TSPAN9: variants seen among roughly 807,000 people sequenced by gnomAD.
TSPAN9 encodes tetraspanin-9.
A neutral mutation model predicts 31.0 loss-of-function variants in TSPAN9; 16 were observed. The ratio of observed to expected loss-of-function variants is 0.52; its 90% CI spans 0.35 to 0.78. The LOEUF is 0.78. Ranked by LOEUF, TSPAN9 falls within the 30% of genes least tolerant of loss-of-function variation. The pLI, the probability that TSPAN9 is intolerant of heterozygous loss-of-function variation, is 0.01. For missense variants in TSPAN9, 272 were observed against 312.5 expected (o/e 0.87, Z 0.98); for synonymous variants, 145 against 121.6 (o/e 1.19, Z -1.27).
At chr12:3,164,011 C>T (rs570029267) in intron 2 of TSPAN9, among the ~76,000 whole-genome samples, 62 of 152,242 alleles carry the variant, frequency 4.1e-4, no homozygotes, top group African/African-American at 1.4e-3. Flanking sequence ...GAGGGTGGGG[C>T]AGGAGGGCCA....
At chr12:3,100,655 T>C (rs1361622358) in intron 2 of TSPAN9, among the ~76,000 whole-genome samples, 3 of 152,184 alleles carry the variant, frequency 2.0e-5, no homozygotes, top group Non-Finnish European at 4.4e-5. Flanking sequence ...GAGTCCTGCA[T>C]TATTTGAAGA....
intron 2 of TSPAN9, among the ~76,000 whole-genome samples, chr12:3,184,722 C>G (rs1000403997): frequency 1.5e-4 from 23 of 152,158 alleles, no homozygotes; most frequent in Non-Finnish European, 1.2e-4. Flanking sequence ...CATGGTTTTG[C>G]TGACGTTCTG....
intron 2 of TSPAN9, among the ~76,000 whole-genome samples, chr12:3,191,091 A>G (rs987441533): frequency 2.6e-5 from 4 of 151,798 alleles, no homozygotes; most frequent in African/African-American, 9.7e-5. Context: ...GGTGTGGGGG[A>G]AAGGGGGTTT....
At chr12:3,135,179 G>A (rs547289926) in intron 2 of TSPAN9, among the ~76,000 whole-genome samples, 64 of 152,264 alleles carry the variant, frequency 4.2e-4, no homozygotes, top group African/African-American at 1.5e-3. Context: ...AACCTCCTGT[G>A]CTCAAGCAAT....
At chr12:3,113,548 A>C (rs4766046) in intron 2 of TSPAN9, among the ~76,000 whole-genome samples, 56,682 of 152,108 alleles carry the variant, frequency 0.37, 11,587 homozygotes, top group Admixed American at 0.5. Flanking sequence ...TTAAGTGATC[A>C]ATAGATACTT....
intron 2 of TSPAN9, among the ~76,000 whole-genome samples, chr12:3,086,533 A>C (rs2098300602): frequency 6.6e-6 from 1 of 152,180 alleles, no homozygotes; most frequent in African/African-American, 2.4e-5. Flanking sequence ...ATCTTGTGTT[A>C]GGAACAGGAA....
At chr12:3,151,025 A>G (rs2098339478) in intron 2 of TSPAN9, 1 of 152,212 alleles carries the variant, frequency 6.6e-6, no homozygotes, top group African/African-American at 2.4e-5. Context: ...CAGGGACACA[A>G]TTGGATTGCA....
intron 2 of TSPAN9, among the ~76,000 whole-genome samples, chr12:3,163,816 T>A (rs910960205): frequency 2.0e-5 from 3 of 152,224 alleles, no homozygotes; most frequent in African/African-American, 7.2e-5. Flanking sequence ...TCAGTGGTAA[T>A]CCCTTGCTCT....
rs562416658 is a variant in TSPAN9, at chr12:3,280,609, G to T, written c.432+126G>T. ...TCTGGATTTTAGCCGGGAGTGGAGTGGTACCCACGGGGGCATTTGCCTGAA... is the reference window on the plus strand; with the variant it reads ...TCTGGATTTTAGCCGGGAGTGGAGTTGTACCCACGGGGGCATTTGCCTGAA... On this transcript the variant is annotated intron_variant, in intron 6 of 8. Coordinates refer to ENST00000011898, the MANE Select transcript of TSPAN9 (RefSeq NM_006675.5). The surrounding 1 kb of genome is among the most constrained non-coding windows in gnomAD (Gnocchi z 4.5). The T allele has an allele frequency of 2.4e-5, 20 of 828,656 alleles. No individual in the cohort carries two copies. Among genetic ancestry groups the T allele is most frequent in the Non-Finnish European group, 3.8e-5 (20 of 522,134 alleles). The allele number at this position is 828,656 out of a possible 1,614,324, so 51.3% of individuals were successfully genotyped here.
intron 3 of TSPAN9, among the ~76,000 whole-genome samples, chr12:3,235,048 T>A (rs1306230106): frequency 1.6e-4 from 24 of 148,692 alleles, no homozygotes; most frequent in African/African-American, 5.7e-4. Context: ...GCGCCTGTAG[T>A]CCCAGCTACT....
chr12:3,273,820 T>C (rs991949291), intron 3 of TSPAN9, among the ~76,000 whole-genome samples: 1 of 152,172 alleles, frequency 6.6e-6, no homozygotes, highest in Non-Finnish European at 1.5e-5. Flanking sequence ...CAAGACTTCA[T>C]GGCCAACCTG....
At chr12:3,109,913 T>C (rs1476291639) in intron 2 of TSPAN9, among the ~76,000 whole-genome samples, 1 of 152,048 alleles carries the variant, frequency 6.6e-6, no homozygotes, top group Non-Finnish European at 1.5e-5. Flanking sequence ...CAGATGTTAA[T>C]TGGCTTGTGA....
intron 2 of TSPAN9, among the ~76,000 whole-genome samples, chr12:3,178,582 C>T (rs116183198): frequency 0.041 from 6,233 of 152,298 alleles, 409 homozygotes; most frequent in African/African-American, 0.14. Context: ...TGAGCCACTG[C>T]GCCCTGCCAG....
At position 3,245,015 on chromosome 12, in the gene TSPAN9, C is replaced by G. The variant is rs1225724022; in HGVS notation, c.64-33406C>G. On this transcript the variant is annotated intron_variant, in intron 3 of 8. Transcript: ENST00000011898. The stretch of plus-strand genomic sequence containing the variant: ...GTGGGCATCCCGGTCTTTCCAAGGA[C>G]TCTGTAGCAGCCCAGCCTATCTAGG... Among the ~76,000 whole-genome samples the G allele has an allele frequency of 5.3e-5, 8 of 152,324 alleles. No individual in the cohort carries two copies. The East Asian group carries it at 1.3e-3, about 26-fold the overall frequency.
At chr12:3,101,328 A>G (rs936155651) in intron 2 of TSPAN9, among the ~76,000 whole-genome samples, 18 of 152,276 alleles carry the variant, frequency 1.2e-4, no homozygotes, top group African/African-American at 4.1e-4. Flanking sequence ...AGAAATGGGT[A>G]CCTTGAAGAT....
At chr12:3,229,977 G>C (rs1565623849) in intron 3 of TSPAN9, among the ~76,000 whole-genome samples, 1 of 152,204 alleles carries the variant, frequency 6.6e-6, no homozygotes, top group Non-Finnish European at 1.5e-5. Context: ...AGAATCCAGG[G>C]CTGGGTCCCC....
intron 2 of TSPAN9, among the ~76,000 whole-genome samples, chr12:3,129,549 G>A (rs1433773186): frequency 2.0e-5 from 3 of 152,130 alleles, no homozygotes; most frequent in Non-Finnish European, 2.9e-5. Context: ...CCACACACAA[G>A]CTCGTCATCA....
intron 2 of TSPAN9, among the ~76,000 whole-genome samples, chr12:3,137,500 C>G (rs997244747): frequency 2.0e-5 from 3 of 152,198 alleles, no homozygotes; most frequent in African/African-American, 7.2e-5. Flanking sequence ...ATACTCTGCT[C>G]TGGGCACCCC....
chr12:3,273,897 C>T (rs1862732147), intron 3 of TSPAN9, among the ~76,000 whole-genome samples: 2 of 152,234 alleles, frequency 1.3e-5, no homozygotes, highest in Non-Finnish European at 2.9e-5. Context: ...CTGTCCCCAG[C>T]TCACCAGCTG....
Sources: allele counts gnomAD v4.1 joint callset (sites outside exome capture counted in the v4.1 genomes callset), GRCh38; gene constraint gnomAD v4.1.1; non-coding constraint Gnocchi (gnomAD v3.1); transcripts MANE v1.5; gene names NCBI Gene and HGNC (gene_info 2026-07-23, HGNC 2026-07-21).